Variants in TANC2 observed in about 807,000 individuals in gnomAD.
The protein encoded by TANC2 is tetratricopeptide repeat, ankyrin repeat and coiled-coil containing 2, also known as protein TANC2.
A neutral mutation model predicts 210.5 loss-of-function variants in TANC2; 26 were observed. The ratio of observed to expected loss-of-function variants is 0.12; its 90% CI spans 0.09 to 0.17. The LOEUF is 0.17. Among genes scored for constraint, TANC2 ranks in the 10% least tolerant of loss-of-function variants. The pLI is 1.00. For missense variants in TANC2, 2,129 were observed against 2,608.9 expected (o/e 0.82, Z 4.01); for synonymous variants, 931 against 967.1 (o/e 0.96, Z 0.69).
At chr17:62,970,402 T>G (rs960367921) in intron 1 of TANC2, among the ~76,000 whole-genome samples, 1 of 152,224 alleles carries the variant, frequency 6.6e-6, no homozygotes, top group Non-Finnish European at 1.5e-5. Flanking sequence ...GTTTGCAAAT[T>G]AGGATTTTAC....
intron 12 of TANC2, among the ~76,000 whole-genome samples, chr17:63,346,970 T>C (rs1278633574): frequency 6.6e-6 from 1 of 151,946 alleles, no homozygotes; most frequent in Non-Finnish European, 1.5e-5. Context: ...CCTCTCAGAG[T>C]GCTGGGATTA....
At chr17:63,027,410 A>G (rs902199545) in intron 2 of TANC2, among the ~76,000 whole-genome samples, 2 of 152,090 alleles carry the variant, frequency 1.3e-5, no homozygotes, top group Non-Finnish European at 1.5e-5. Flanking sequence ...GCTATTTTTC[A>G]TAGGTATATT....
chr17:63,120,826 A>C (rs1014866238), intron 4 of TANC2: 23 of 150,694 alleles, frequency 1.5e-4, no homozygotes, highest in African/African-American at 5.3e-4. Flanking sequence ...AAAAAAAAAA[A>C]AAAAAAAAAA....
chr17:63,356,597 T>C (rs887731568), intron 14 of TANC2, among the ~76,000 whole-genome samples: 2 of 152,194 alleles, frequency 1.3e-5, no homozygotes, highest in African/African-American at 2.4e-5. Flanking sequence ...GATGAAGATA[T>C]TAAGCCAGGC....
intron 15 of TANC2, 86 bp from the exon 16 acceptor site, chr17:63,388,549 C>A: frequency 7.1e-7 from 1 of 1,405,730 alleles, no homozygotes; most frequent in South Asian, 1.3e-5. Context: ...TTCATTAGTA[C>A]CAAAAACAAA....
chr17:63,228,565 T>G (rs537658807), intron 7 of TANC2, among the ~76,000 whole-genome samples: 1 of 152,238 alleles, frequency 6.6e-6, no homozygotes, highest in Non-Finnish European at 1.5e-5. Flanking sequence ...TCCATGAGCA[T>G]GGAATGTTTT....
At chr17:63,239,950 A>G (rs1374414200) in intron 8 of TANC2, among the ~76,000 whole-genome samples, 1 of 152,062 alleles carries the variant, frequency 6.6e-6, no homozygotes, top group African/African-American at 2.4e-5. Context: ...CACACTTTTA[A>G]ATGACCCATT....
intron 1 of TANC2, among the ~76,000 whole-genome samples, chr17:62,974,072 C>G (rs2031863076): frequency 6.6e-6 from 1 of 152,202 alleles, no homozygotes; most frequent in South Asian, 2.1e-4. Flanking sequence ...TGTTACATAG[C>G]CTGTGCCCAT....
At chr17:63,303,947 A>T (rs1025037511) in intron 9 of TANC2, among the ~76,000 whole-genome samples, 1 of 151,806 alleles carries the variant, frequency 6.6e-6, no homozygotes, top group African/African-American at 2.4e-5. Flanking sequence ...CAGGTCATTT[A>T]TGTTCCTCTC....
chr17:63,339,237 G>A (rs1424400211), intron 11 of TANC2, among the ~76,000 whole-genome samples: 1 of 152,140 alleles, frequency 6.6e-6, no homozygotes, highest in Admixed American at 6.5e-5. Context: ...CCCCCTTCCA[G>A]TTTGGTATTT....
chr17:63,045,526 G>A (rs1164515533), intron 2 of TANC2, among the ~76,000 whole-genome samples: 1 of 152,014 alleles, frequency 6.6e-6, no homozygotes, highest in African/African-American at 2.4e-5. Flanking sequence ...TAGTTTTGAA[G>A]TTTTGTTTTT....
chr17:63,170,926 C>T (rs1048090461), intron 5 of TANC2, among the ~76,000 whole-genome samples: 27 of 152,066 alleles, frequency 1.8e-4, no homozygotes, highest in Admixed American at 9.2e-4. Flanking sequence ...TGGTACTACG[C>T]ATGATACTGA....
chr17:63,222,748 C>T (rs1474645985), intron 7 of TANC2, among the ~76,000 whole-genome samples: 8 of 148,112 alleles, frequency 5.4e-5, no homozygotes, highest in South Asian at 2.2e-4. Flanking sequence ...CACACACACA[C>T]ATACACACTA....
chr17:63,216,104 A>C (rs1220647669), intron 7 of TANC2, among the ~76,000 whole-genome samples: 2 of 151,672 alleles, frequency 1.3e-5, no homozygotes, highest in Non-Finnish European at 2.9e-5. Context: ...GCTGGAGTGC[A>C]ATGGTGCGAT....
Position 63,412,275 on chromosome 17 carries a change from C to T in TANC2, c.3898+145C>T. On this transcript the variant is annotated intron_variant, in intron 23 of 27. Coordinates refer to ENST00000689528, the Ensembl canonical transcript of TANC2. This position sits in a 1 kb window ranked among gnomAD's most constrained non-coding sequence, Gnocchi z 4.2. ...TATTGTCCAAGTGAACAGAGAGGCT[C>T]TTGGCCCAGGGAAAGCGCCATCTGA... The T allele has an allele frequency of 1.6e-6, 2 of 1,248,028 alleles. No homozygotes were observed. Among genetic ancestry groups the T allele is most frequent in the East Asian group, 2.5e-5 (1 of 39,630 alleles). 77.3% of individuals were successfully genotyped at this position (1,248,028 alleles called of 1,614,324 possible).
intron 9 of TANC2, among the ~76,000 whole-genome samples, chr17:63,294,966 A>G (rs552898777): frequency 1.3e-5 from 2 of 152,282 alleles, no homozygotes; most frequent in East Asian, 3.9e-4. Context: ...TCTCTTGGAA[A>G]CCAGCAGATA....
At chr17:63,029,839 T>G (rs1449785726) in intron 2 of TANC2, among the ~76,000 whole-genome samples, 4 of 152,088 alleles carry the variant, frequency 2.6e-5, no homozygotes, top group Non-Finnish European at 4.4e-5. Context: ...GAAGGACAAG[T>G]TAATAGTGGT....
At chr17:63,099,076 G>A in intron 3 of TANC2, 99 bp from the exon 4 acceptor site, 1 of 1,217,920 alleles carries the variant, frequency 8.2e-7, no homozygotes, top group South Asian at 1.3e-5. Flanking sequence ...TTTTCACAGT[G>A]AAAATATTTG....
At chr17:63,125,816 G>T (rs1444885425) in intron 4 of TANC2, among the ~76,000 whole-genome samples, 1 of 152,146 alleles carries the variant, frequency 6.6e-6, no homozygotes, top group Non-Finnish European at 1.5e-5. Flanking sequence ...TATACATTCA[G>T]TACACAGCAG....
Sources: gnomAD v4.1 joint callset for allele counts (sites outside exome capture counted in the v4.1 genomes callset) on GRCh38, gnomAD v4.1.1 for gene constraint, Gnocchi (gnomAD v3.1) non-coding constraint, MANE v1.5 for transcripts, NCBI Gene and HGNC (gene_info 2026-07-23, HGNC 2026-07-21) for gene names.